Variants in SIPA1L3 observed in about 807,000 individuals in gnomAD.
SIPA1L3 encodes the protein signal-induced proliferation-associated 1-like protein 3.
SIPA1L3 carries 59 observed loss-of-function variants against 150.1 expected under a neutral mutation model. The observed-to-expected ratio is 0.39, with a 90% CI of 0.32 to 0.49. The LOEUF (loss-of-function observed/expected upper bound fraction) is 0.49. Ranked by LOEUF, SIPA1L3 falls within the 20% of genes least tolerant of loss-of-function variation. SIPA1L3 has a pLI of 0.86. For synonymous variants in SIPA1L3, 1,070 were observed against 1,077.6 expected, an observed-to-expected ratio of 0.99 and a Z score of 0.14; for missense variants, 2,211 against 2,489.5, an observed-to-expected ratio of 0.89 and a Z score of 2.38.
intron 2 of SIPA1L3, among the ~76,000 whole-genome samples, chr19:38,034,284 G>A (rs544232577): frequency 2.6e-5 from 4 of 152,162 alleles, no homozygotes; most frequent in Non-Finnish European, 4.4e-5. Context: ...AACATTAATG[G>A]GTGCTGACTC....
intron 6 of SIPA1L3, among the ~76,000 whole-genome samples, chr19:38,102,706 C>T (rs1359253524): frequency 3.3e-5 from 5 of 151,982 alleles, no homozygotes; most frequent in African/African-American, 1.2e-4. Flanking sequence ...GTGGCTCATG[C>T]CTGTGATCCC....
At chr19:38,204,611 A>T (rs1245910566) in intron 21 of SIPA1L3, among the ~76,000 whole-genome samples, 1 of 152,088 alleles carries the variant, frequency 6.6e-6, no homozygotes, top group African/African-American at 2.4e-5. Flanking sequence ...TAAAAAGTAC[A>T]ATAATTAGTC....
At position 38,119,344 on chromosome 19, in the gene SIPA1L3, G is replaced by A. The variant is rs1191771807; in HGVS notation, c.2330G>A (p.Gly777Asp). 6.2e-7 allele frequency: 1 copy of A among 1,613,638 alleles called. No individual in the cohort carries two copies. The highest frequency in any genetic ancestry group is 8.5e-7 in the Non-Finnish European group (1 of 1,179,970). Residue 777 changes from glycine to aspartate, a missense_variant, in exon 9 of 22, where the codon GGC (glycine) becomes GAC (aspartate). This residue lies in a region of SIPA1L3 where 625 missense variants were observed against 804.2 expected (regional missense o/e 0.78). Coordinates refer to ENST00000222345, the MANE Select transcript of SIPA1L3 (RefSeq NM_015073.3). ...VTRSKDAPPF[G>D]PPIPSGTTFR... ...CGATCCAAAGACGCTCCTCCTTTCG[G>A]CCCCCCCATCCCCAGTGGAACCACA...
intron 2 of SIPA1L3, among the ~76,000 whole-genome samples, chr19:38,065,144 G>A (rs1219443006): frequency 6.6e-6 from 1 of 152,208 alleles, no homozygotes; most frequent in African/African-American, 2.4e-5. Flanking sequence ...AGTATTTGGG[G>A]TGATTACAGC....
In SIPA1L3 at chr19:37,963,595, A is replaced by G. The variant is rs1042835931; in HGVS notation, c.-379+56237A>G. On this transcript the variant is annotated intron_variant, in intron 1 of 21. Coordinates refer to ENST00000222345, the MANE Select transcript of SIPA1L3 (RefSeq NM_015073.3). ...GGAGGAACCCCAAATTAAACGCCAC[A>G]TGTTCCCACTGTTCTTACTTGAAGT... Among the ~76,000 whole-genome samples the G allele has an allele frequency of 2.0e-5, 3 of 152,270 alleles. No individual in the cohort carries two copies. The East Asian group carries it at 5.8e-4, about 29-fold the overall frequency.
At chr19:38,108,071 T>G (rs1277488765) in intron 7 of SIPA1L3, among the ~76,000 whole-genome samples, 1 of 152,124 alleles carries the variant, frequency 6.6e-6, no homozygotes, top group Non-Finnish European at 1.5e-5. Context: ...CTGTGTGATC[T>G]CAGGTAAGTG....
chr19:37,988,158 C>T (rs1355335668), intron 1 of SIPA1L3, among the ~76,000 whole-genome samples: 1 of 152,144 alleles, frequency 6.6e-6, no homozygotes, highest in East Asian at 1.9e-4. Flanking sequence ...CCTGTGAACA[C>T]CTGAGGTCAC....
chr19:37,907,834 T>C (rs1336167872), intron 1 of SIPA1L3: 1 of 152,226 alleles, frequency 6.6e-6, no homozygotes, highest in Non-Finnish European at 1.5e-5. Context: ...AGCGTGTGCA[T>C]GTAAAGAGGT....
At chr19:38,135,468 G>A (rs4803801) in intron 10 of SIPA1L3, among the ~76,000 whole-genome samples, 27,983 of 152,128 alleles carry the variant, frequency 0.18, 2,968 homozygotes, top group African/African-American at 0.29. Flanking sequence ...TGGTGGCTAC[G>A]CTCCTCGAGG....
intron 1 of SIPA1L3, among the ~76,000 whole-genome samples, chr19:37,924,438 G>A (rs547093231): frequency 3.8e-4 from 51 of 134,974 alleles, no homozygotes; most frequent in African/African-American, 1.4e-3. Flanking sequence ...TTGTATATAA[G>A]TAGAAGGAGC....
intron 1 of SIPA1L3, among the ~76,000 whole-genome samples, chr19:37,940,762 A>C (rs2046647112): frequency 6.7e-6 from 1 of 149,820 alleles, no homozygotes; most frequent in Non-Finnish European, 1.5e-5. Flanking sequence ...TTGTATTTTT[A>C]GTAGAGACAG....
chr19:38,181,976 C>T (rs1350055726), intron 15 of SIPA1L3, among the ~76,000 whole-genome samples: 1 of 151,614 alleles, frequency 6.6e-6, no homozygotes, highest in Non-Finnish European at 1.5e-5. Flanking sequence ...CATAGTGAAA[C>T]CCCATCTCTA....
At chr19:38,073,884 C>T (rs949463170) in intron 2 of SIPA1L3, among the ~76,000 whole-genome samples, 1 of 152,224 alleles carries the variant, frequency 6.6e-6, no homozygotes, top group Non-Finnish European at 1.5e-5. Flanking sequence ...TCCAACTGTG[C>T]TTCTGTGGGG....
chr19:37,932,028 A>C (rs2046558831), intron 1 of SIPA1L3, among the ~76,000 whole-genome samples: 1 of 152,230 alleles, frequency 6.6e-6, no homozygotes, highest in African/African-American at 2.4e-5. Context: ...TAGCCAGCCA[A>C]AGCCGTTCAG....
intron 1 of SIPA1L3, among the ~76,000 whole-genome samples, chr19:38,008,078 G>A (rs1039041418): frequency 3.3e-5 from 5 of 152,132 alleles, no homozygotes; most frequent in African/African-American, 1.2e-4. Flanking sequence ...AAGACTGAAT[G>A]TTATCCTCCT....
chr19:38,054,800 C>G (rs1394743441), intron 2 of SIPA1L3, among the ~76,000 whole-genome samples: 2 of 152,186 alleles, frequency 1.3e-5, no homozygotes, highest in Non-Finnish European at 1.5e-5. Flanking sequence ...GTCGTCCCCA[C>G]TTTCCAGGGG....
chr19:38,153,362 A>T (rs1436903609), intron 13 of SIPA1L3, among the ~76,000 whole-genome samples: 1 of 152,182 alleles, frequency 6.6e-6, no homozygotes, highest in Non-Finnish European at 1.5e-5. Context: ...TTTTATGGAC[A>T]TACGGCACAT....
At chr19:38,140,171 C>G (rs890226234) in intron 10 of SIPA1L3, among the ~76,000 whole-genome samples, 2 of 152,230 alleles carry the variant, frequency 1.3e-5, no homozygotes, top group Admixed American at 1.3e-4. Flanking sequence ...TGGGCACTTC[C>G]AGGCTGAAGG....
At chr19:38,193,404 A>G in intron 17 of SIPA1L3, 133 bp from the exon 18 acceptor site, 1 of 1,074,040 alleles carries the variant, frequency 9.3e-7, no homozygotes. Flanking sequence ...GGAGGAAGGA[A>G]GGAAATGGGG....
Sources: gnomAD v4.1 joint callset for allele counts (sites outside exome capture counted in the v4.1 genomes callset) on GRCh38, gnomAD v4.1.1 for gene constraint, gnomAD v4.1.1 regional missense constraint, MANE v1.5 for transcripts, NCBI Gene and HGNC (gene_info 2026-07-23, HGNC 2026-07-21) for gene names.